Variants in PSMD14 observed in about 807,000 individuals in gnomAD.
PSMD14 encodes proteasome 26S subunit, non-ATPase 14.
PSMD14 carries 7 observed loss-of-function variants against 41.2 expected under a neutral mutation model. The ratio of observed to expected loss-of-function variants is 0.17; its 90% CI spans 0.10 to 0.32. The LOEUF (loss-of-function observed/expected upper bound fraction) is 0.32. Among genes scored for constraint, PSMD14 ranks in the 10% least tolerant of loss-of-function variants. The pLI is 1.00. For synonymous variants in PSMD14, 114 were observed against 122.3 expected, an observed-to-expected ratio of 0.93 and a Z score of 0.45; for missense variants, 139 against 375.6, an observed-to-expected ratio of 0.37 and a Z score of 5.21.
intron 3 of PSMD14, among the ~76,000 whole-genome samples, chr2:161,346,034 A>T (rs540381702): frequency 6.6e-6 from 1 of 152,136 alleles, no homozygotes; most frequent in East Asian, 1.9e-4. Flanking sequence ...GTCATGTGCC[A>T]CCACTCTCAG....
chr2:161,308,912 G>C (rs1368220919), intron 1 of PSMD14: 1 of 152,206 alleles, frequency 6.6e-6, no homozygotes, highest in Non-Finnish European at 1.5e-5. Context: ...ATCCATAGTT[G>C]TTAACCGGTC....
In PSMD14 at chr2:161,341,304, A is replaced by G. The variant is rs1482385828; in HGVS notation, c.48+22431A>G. ...GGTGGCCAGCGCAGGCAGCGCGGCC[A>G]GCAGCTCGGCCGGCGCCTCCATCGC... On this transcript the variant is annotated intron_variant, in intron 3 of 11. Transcript: ENST00000409682. 6 of 1,020,340 alleles carry G rather than the reference A, an allele frequency of 5.9e-6. No homozygotes were observed. The South Asian group carries it at 1.2e-4, about 21-fold the overall frequency. 63.2% of individuals were successfully genotyped at this position (1,020,340 alleles called of 1,614,324 possible).
intron 3 of PSMD14, among the ~76,000 whole-genome samples, chr2:161,328,320 T>A (rs1574117002): frequency 1.3e-5 from 2 of 152,276 alleles, no homozygotes; most frequent in South Asian, 4.1e-4. Context: ...ATGAACTAGG[T>A]TCTATATACC....
At chr2:161,346,961 T>A (rs1325840885) in intron 3 of PSMD14, among the ~76,000 whole-genome samples, 1 of 151,312 alleles carries the variant, frequency 6.6e-6, no homozygotes, top group Non-Finnish European at 1.5e-5. Context: ...TCTAGGGTTT[T>A]CTCTCTTTGC....
At chr2:161,349,088 C>G (rs1279642069) in intron 3 of PSMD14, among the ~76,000 whole-genome samples, 1 of 152,086 alleles carries the variant, frequency 6.6e-6, no homozygotes, top group Non-Finnish European at 1.5e-5. Context: ...AGTCCGCTGC[C>G]GAATTGGCTT....
chr2:161,387,326 T>C (rs1477785284), intron 8 of PSMD14, among the ~76,000 whole-genome samples: 2 of 152,024 alleles, frequency 1.3e-5, no homozygotes, highest in African/African-American at 4.8e-5. Flanking sequence ...TAATGGAATT[T>C]TATTTTATGT....
At chr2:161,354,965 A>G (rs1268144526) in intron 3 of PSMD14, among the ~76,000 whole-genome samples, 1 of 152,208 alleles carries the variant, frequency 6.6e-6, no homozygotes, top group Admixed American at 6.5e-5. Context: ...TATTGGAGGA[A>G]CTCAGTAGGC....
chr2:161,333,742 A>G (rs901462768), intron 3 of PSMD14, among the ~76,000 whole-genome samples: 1 of 152,226 alleles, frequency 6.6e-6, no homozygotes, highest in Non-Finnish European at 1.5e-5. Flanking sequence ...TAAAAAGATT[A>G]TGTTATTTTG....
At chr2:161,332,794 T>C (rs533355391) in intron 3 of PSMD14, among the ~76,000 whole-genome samples, 1 of 152,344 alleles carries the variant, frequency 6.6e-6, no homozygotes, top group South Asian at 2.1e-4. Context: ...TGCTCTGGCC[T>C]GTGCTGGGAT....
intron 1 of PSMD14, among the ~76,000 whole-genome samples, chr2:161,311,625 C>CTTTTTTTTTTTTTTTTTTTTTTTTT (rs34635738): frequency 1.7e-5 from 1 of 58,534 alleles, no homozygotes; most frequent in Non-Finnish European, 3.1e-5. Flanking sequence ...CTCACTCTTC[C>CTTTTTTTTTTTTTTTTTTTTTTTTT]TTTTTTTTTT....
At chr2:161,334,689 C>T (rs955026150) in intron 3 of PSMD14, among the ~76,000 whole-genome samples, 1 of 152,216 alleles carries the variant, frequency 6.6e-6, no homozygotes, top group Non-Finnish European at 1.5e-5. Context: ...CCTTCTTTGA[C>T]CACTGCCACT....
chr2:161,319,583 CTA>C (rs1364450364), intron 3 of PSMD14, among the ~76,000 whole-genome samples: 37 of 152,176 alleles, frequency 2.4e-4, no homozygotes, highest in South Asian at 1.9e-3. Context: ...AAAGAAATGA[CTA>C]TGTGTATTTC....
intron 3 of PSMD14, chr2:161,340,933 C>G (rs1682945892): frequency 3.7e-6 from 6 of 1,613,586 alleles, no homozygotes; most frequent in Non-Finnish European, 5.1e-6. Context: ...TCCTCCTCCT[C>G]AGGCCCTTCC....
chr2:161,356,491 T>A (rs938984541), intron 3 of PSMD14, among the ~76,000 whole-genome samples: 1 of 152,124 alleles, frequency 6.6e-6, no homozygotes, highest in Non-Finnish European at 1.5e-5. Context: ...TCATCAGAAT[T>A]TTTGATTTTA....
chr2:161,329,005 A>T (rs1026303038), intron 3 of PSMD14, among the ~76,000 whole-genome samples: 2 of 152,090 alleles, frequency 1.3e-5, no homozygotes, highest in African/African-American at 4.8e-5. Flanking sequence ...TTAATGCCTT[A>T]CCTAGGTATT....
At chr2:161,406,330 G>A (rs1683947060) in intron 10 of PSMD14, among the ~76,000 whole-genome samples, 1 of 152,132 alleles carries the variant, frequency 6.6e-6, no homozygotes, top group Admixed American at 6.6e-5. Context: ...TGTTAAAAAC[G>A]TTTCTAGTGT....
chr2:161,391,237 A>G (rs1040130507), intron 9 of PSMD14, 59 bp downstream of exon 9: 39 of 1,425,476 alleles, frequency 2.7e-5, no homozygotes, highest in Non-Finnish European at 3.4e-5. Context: ...CATTTAAACT[A>G]TTACCTGGTA....
intron 3 of PSMD14, chr2:161,341,379 C>T (rs868311579): frequency 5.4e-5 from 48 of 884,950 alleles, no homozygotes; most frequent in Admixed American, 1.2e-4. Flanking sequence ...GATCCCGCCG[C>T]GCCCCGTCCT....
intron 1 of PSMD14, among the ~76,000 whole-genome samples, chr2:161,309,771 A>G (rs1689067453): frequency 6.6e-6 from 1 of 152,100 alleles, no homozygotes; most frequent in Non-Finnish European, 1.5e-5. Flanking sequence ...TCAAGTGATG[A>G]TCTTTTATTG....
Sources: allele counts gnomAD v4.1 joint callset (sites outside exome capture counted in the v4.1 genomes callset), GRCh38; gene constraint gnomAD v4.1.1; transcripts MANE v1.5; gene names NCBI Gene and HGNC (gene_info 2026-07-23, HGNC 2026-07-21).